OR2H1: variants seen among roughly 807,000 people sequenced by gnomAD.
The protein encoded by OR2H1 is olfactory receptor family 2 subfamily H member 1, also known as olfactory receptor 2H1.
For synonymous variants in OR2H1, 155 were observed against 155.2 expected, an observed-to-expected ratio of 1.00 and a Z score of 0.01; for missense variants, 380 against 367.3, an observed-to-expected ratio of 1.03 and a Z score of -0.28.
rs767143669 is a variant in OR2H1, at chr6:29,462,241, A to ACACCATC, written c.477_483dup (p.Leu162IlefsTer15). The ACACCATC allele has an allele frequency of 5.0e-6, 8 of 1,613,194 alleles. No individual in the cohort carries two copies. Among genetic ancestry groups the ACACCATC allele is most frequent in the Non-Finnish European group, 6.8e-6 (8 of 1,179,990 alleles). ...GAGTCTGGTTCAATCGATAGTCCAG[A>ACACCATC]CACCATCCACCCTCCACTTGCCCTT... On this transcript the variant is annotated frameshift_variant, in exon 4 of 4. Coordinates refer to ENST00000377133, the MANE Select transcript of OR2H1 (RefSeq NM_030883.5). LOFTEE classifies it low-confidence loss of function (END_TRUNC).
At chr6:29,460,110 T>C (rs1787049859) in intron 2 of OR2H1, 1 of 152,172 alleles carries the variant, frequency 6.6e-6, no homozygotes, top group African/African-American at 2.4e-5. Context: ...ACATACATAA[T>C]CTGGAGTGGA....
intron 3 of OR2H1, chr6:29,460,973 C>T (rs2151427302): frequency 6.6e-6 from 1 of 152,136 alleles, no homozygotes; most frequent in Middle Eastern, 3.4e-3. Flanking sequence ...AAAATTATAT[C>T]ATCTTTTTAA....
chr6:29,461,493 A>T lies in OR2H1; in HGVS notation c.-275-2A>T. 1 of 446,384 alleles carries T rather than the reference A, an allele frequency of 2.2e-6. No homozygotes were observed. The highest frequency in any genetic ancestry group is 3.9e-6 in the Non-Finnish European group (1 of 254,106). 27.7% of individuals were successfully genotyped at this position (446,384 alleles called of 1,614,324 possible). ...ACATCAGCTTTCTTTGCCCTCAACC[A>T]GGAAGTCAGAGGCACCAATGTGAGG... On this transcript the variant is annotated splice_acceptor_variant, in intron 3 of 3. Coordinates refer to ENST00000377133, the MANE Select transcript of OR2H1 (RefSeq NM_030883.5). LOFTEE classifies it low-confidence loss of function (5UTR_SPLICE).
Position 29,463,028 on chromosome 6 carries a change from A to C in OR2H1, c.*308A>C. Reference sequence around the variant, plus strand: ...CTTCTATAGATTTCCTAACTCCACCATGCCTATTTCTGGTTATATAATTGC... The same window carrying C: ...CTTCTATAGATTTCCTAACTCCACCCTGCCTATTTCTGGTTATATAATTGC... On this transcript the variant is annotated 3_prime_UTR_variant, in exon 4 of 4. Coordinates refer to ENST00000377133, the MANE Select transcript of OR2H1 (RefSeq NM_030883.5). 7.6e-6 allele frequency: 3 copies of C among 394,540 alleles called. No homozygotes were observed. Among genetic ancestry groups the C allele is most frequent in the Non-Finnish European group, 9.4e-6 (2 of 212,164 alleles). The allele number at this position is 394,540 out of a possible 1,614,324, so 24.4% of individuals were successfully genotyped here.
At chr6:29,460,264 G>T (rs1456884087) in intron 2 of OR2H1, 140 bp from the exon 3 acceptor site, 1 of 151,966 alleles carries the variant, frequency 6.6e-6, no homozygotes, top group Non-Finnish European at 1.5e-5. Flanking sequence ...GGAGTGTAAT[G>T]GCACGATCTC....
In OR2H1 at chr6:29,463,909, G is replaced by T; in HGVS notation, c.*1189G>T. The T allele has an allele frequency of 6.0e-6, 1 of 166,266 alleles. No homozygotes were observed. The allele number at this position is 166,266 out of a possible 1,614,324, so 10.3% of individuals were successfully genotyped here. A position where few individuals can be genotyped will look rare whatever the true frequency, so the allele number is the denominator to read the frequency against. ...TGAGGGCACTAATTCCAATTATGAA[G>T]CCTCTTCCCTCATGACCTAATCACT... is the stretch of plus-strand genomic sequence containing the variant. On this transcript the variant is annotated 3_prime_UTR_variant, in exon 4 of 4. Transcript: ENST00000377133.
In OR2H1 at chr6:29,462,140, T is replaced by C. The variant is rs1352487379; in HGVS notation, c.371T>C (p.Val124Ala). 2.5e-6 allele frequency: 4 copies of C among 1,610,100 alleles called. No individual in the cohort carries two copies. Among genetic ancestry groups the C allele is most frequent in the Non-Finnish European group, 3.4e-6 (4 of 1,179,978 alleles). ...TVMAFDRYVA[V>A]CQPLHYATII... ...ATGGCCTTTGACCGATACGTGGCTG[T>C]CTGCCAGCCCCTCCACTATGCCACC... The change falls in exon 4 of 4, where the codon GTC becomes GCC. Residue 124 changes from valine (V) to alanine (A), a missense_variant. Val to Ala is a moderately conservative substitution (Grantham distance 64). Coordinates refer to ENST00000377133, the MANE Select transcript of OR2H1 (RefSeq NM_030883.5).
Position 29,460,633 on chromosome 6 carries a change from T to C in OR2H1, c.-276+179T>C, listed in dbSNP as rs181122541. On this transcript the variant is annotated intron_variant, in intron 3 of 3. Coordinates refer to ENST00000377133, the MANE Select transcript of OR2H1 (RefSeq NM_030883.5). ...AGTGAAGAGGCATTATATATACAAC[T>C]CACTGTTCAGTAGCTCAGGGTAAAT... Among the ~76,000 whole-genome samples the C allele has an allele frequency of 1.3e-3, 204 of 152,178 alleles. 5 individuals are homozygous for C. In the East Asian group the frequency reaches 0.02, roughly 15 times the overall value.
In OR2H1 at chr6:29,462,949, C is replaced by T. The variant is rs921029894; in HGVS notation, c.*229C>T. ...CAAATTCAAATATTATCATTCCTAT[C>T]ACTGTCCATTCTTAATATTTCTATC... On this transcript the variant is annotated 3_prime_UTR_variant, in exon 4 of 4. Transcript: ENST00000377133. 11 of 565,760 alleles carry T rather than the reference C, an allele frequency of 1.9e-5. No individual in the cohort carries two copies. The African/African-American group carries it at 2.1e-4, about 11-fold the overall frequency. The allele number at this position is 565,760 out of a possible 1,614,324, so 35.0% of individuals were successfully genotyped here. A position where few individuals can be genotyped will look rare whatever the true frequency, so the allele number is the denominator to read the frequency against.
At chr6:29,458,413 CAA>C (rs1391988542) in intron 1 of OR2H1, 39 bp from the exon 2 acceptor site, 1 of 152,180 alleles carries the variant, frequency 6.6e-6, no homozygotes, top group African/African-American at 2.4e-5. Flanking sequence ...AACTGAAATC[CAA>C]GTTCCAATAA....
At chr6:29,459,178 A>G (rs1397185091) in intron 2 of OR2H1, among the ~76,000 whole-genome samples, 1 of 152,184 alleles carries the variant, frequency 6.6e-6, no homozygotes, top group Non-Finnish European at 1.5e-5. Flanking sequence ...GATGAATAAA[A>G]CTCTGGACAA....
rs191077254 is a variant in OR2H1 at position 29,459,222 on chromosome 6, T to C, written c.-327+653T>C. 1.4e-3 allele frequency among the ~76,000 whole-genome samples: 208 copies of C among 152,178 alleles called. 5 individuals are homozygous for C. The East Asian group carries it at 0.021, about 15-fold the overall frequency. On this transcript the variant is annotated intron_variant, in intron 2 of 3. Coordinates refer to ENST00000377133, the MANE Select transcript of OR2H1 (RefSeq NM_030883.5). The stretch of plus-strand genomic sequence containing the variant: ...ACACAAAAGATATGAGGCTGCAAAG[T>C]TTAAAAAGGAACGATACATTTAAAA...
At chr6:29,457,886 C>T (rs1371779043) in intron 1 of OR2H1, among the ~76,000 whole-genome samples, 2 of 152,172 alleles carry the variant, frequency 1.3e-5, no homozygotes, top group Non-Finnish European at 2.9e-5. Flanking sequence ...GTTGCTGGCA[C>T]ACTTCCTTTG....
At chr6:29,458,208 C>A (rs1204748904) in intron 1 of OR2H1, among the ~76,000 whole-genome samples, 1 of 152,214 alleles carries the variant, frequency 6.6e-6, no homozygotes, top group African/African-American at 2.4e-5. Flanking sequence ...GCCAGCCCAC[C>A]TGGGTTAAAA....
Position 29,461,555 on chromosome 6 carries a change from C to A in OR2H1, c.-215C>A. The A allele has an allele frequency of 2.0e-6, 1 of 509,842 alleles. No individual in the cohort carries two copies. 31.6% of individuals were successfully genotyped at this position (509,842 alleles called of 1,614,324 possible). A position where few individuals can be genotyped will look rare whatever the true frequency, so the allele number is the denominator to read the frequency against. On this transcript the variant is annotated 5_prime_UTR_variant, in exon 4 of 4. Coordinates refer to ENST00000377133, the MANE Select transcript of OR2H1 (RefSeq NM_030883.5). ...TTCCAGCACATTCTTGGTTTCCTCA[C>A]TTCTGCTAGACAACGTTTGATCAGA...
In OR2H1 at chr6:29,463,088, CCAT is replaced by C. The variant is rs150138301; in HGVS notation, c.*372_*374del. On this transcript the variant is annotated 3_prime_UTR_variant, in exon 4 of 4. Coordinates refer to ENST00000377133, the MANE Select transcript of OR2H1 (RefSeq NM_030883.5). Reference sequence around the variant, plus strand: ...GTCATGTCAGTGTAGGGGAACTACTCCATCATAGCATTCTGGACACCTTGCATG... The same window carrying C: ...GTCATGTCAGTGTAGGGGAACTACTCCATAGCATTCTGGACACCTTGCATG... 1,420 of 270,668 alleles carry C rather than the reference CCAT, an allele frequency of 5.2e-3. 21 individuals carry two copies. The highest frequency in any genetic ancestry group is 0.027 in the African/African-American group (1,227 of 45,244). 16.8% of individuals were successfully genotyped at this position (270,668 alleles called of 1,614,324 possible). A position where few individuals can be genotyped will look rare whatever the true frequency, so the allele number is the denominator to read the frequency against.
Position 29,461,736 on chromosome 6 carries a change from G to A in OR2H1, c.-34G>A. ...CAGGTTGAATCACACTGGGGTGACA[G>A]CCTCATCCCTCCAGGTACAAACAAG... On this transcript the variant is annotated 5_prime_UTR_variant, in exon 4 of 4. Transcript: ENST00000377133. 6.6e-7 allele frequency: 1 copy of A among 1,515,380 alleles called. No individual in the cohort carries two copies. Among genetic ancestry groups the A allele is most frequent in the Non-Finnish European group, 9.1e-7 (1 of 1,098,574 alleles). 93.9% of individuals were successfully genotyped at this position (1,515,380 alleles called of 1,614,324 possible).
At chr6:29,458,694 A>G (rs1175729804) in intron 2 of OR2H1, 125 bp downstream of exon 2, 1 of 152,208 alleles carries the variant, frequency 6.6e-6, no homozygotes, top group Non-Finnish European at 1.5e-5. Context: ...TGGGCAAGTT[A>G]CTTAACCTCT....
Position 29,462,727 on chromosome 6 carries a change from T to A in OR2H1, c.*7T>A, listed in dbSNP as rs372013621. On this transcript the variant is annotated 3_prime_UTR_variant, in exon 4 of 4. Coordinates refer to ENST00000377133, the MANE Select transcript of OR2H1 (RefSeq NM_030883.5). ...AAGCTGGAGAGCTGCTTAATATACT[T>A]TCGAAAGTAAGAAGAGTTTCTTCAA... The A allele has an allele frequency of 2.5e-6, 4 of 1,592,766 alleles. No individual in the cohort carries two copies. In the African/African-American group the frequency reaches 5.4e-5, roughly 22 times the overall value.
Sources: gnomAD v4.1 joint callset for allele counts (sites outside exome capture counted in the v4.1 genomes callset) on GRCh38, gnomAD v4.1.1 for gene constraint, MANE v1.5 for transcripts, NCBI Gene and HGNC (gene_info 2026-07-23, HGNC 2026-07-21) for gene names.